The following CMTM4 variants were observed in gnomAD, a reference collection of about 807,000 sequenced individuals.
CMTM4 encodes CKLF-like MARVEL transmembrane domain-containing protein 4.
A neutral mutation model predicts 19.0 loss-of-function variants in CMTM4; 8 were observed. That is an observed-to-expected ratio of 0.42 (90% CI 0.25 to 0.76). The LOEUF (loss-of-function observed/expected upper bound fraction) is 0.76. Ranked by LOEUF, CMTM4 falls within the 30% of genes least tolerant of loss-of-function variation. The pLI is 0.27. For missense variants in CMTM4, 228 were observed against 290.2 expected, an observed-to-expected ratio of 0.79 and a Z score of 1.56; for synonymous variants, 106 against 121.1, an observed-to-expected ratio of 0.88 and a Z score of 0.82.
At position 66,622,335 on chromosome 16, in the gene CMTM4, A is replaced by C. The variant is rs2015655832; in HGVS notation, c.463-113T>G. On this transcript the variant is annotated intron_variant, in intron 3 of 3. Coordinates refer to ENST00000394106, the MANE Select transcript of CMTM4 (RefSeq NM_181521.3). This position sits in a 1 kb window ranked among gnomAD's most constrained non-coding sequence, Gnocchi z 4.0. The stretch of plus-strand genomic sequence containing the variant: ...TCCTGCTCTGCCAGCTGATCATTAC[A>C]ACCCTGTGCCTTCATTCCTTGATCT... The C allele has an allele frequency of 4.3e-6, 5 of 1,171,902 alleles. No individual in the cohort carries two copies. The highest frequency in any genetic ancestry group is 4.8e-6 in the Non-Finnish European group (4 of 831,040). 72.6% of individuals were successfully genotyped at this position (1,171,902 alleles called of 1,614,324 possible).
At chr16:66,683,202 T>TATATATATACGTATATATATATAC (rs1567432400) in intron 1 of CMTM4, among the ~76,000 whole-genome samples, 5 of 137,170 alleles carry the variant, frequency 3.6e-5, no homozygotes, top group South Asian at 2.3e-4. Context: ...TACATATATA[T>TATATATATACGTATATATATATAC]ATATATATAA....
Position 66,696,650 on chromosome 16 carries a change from CCGCCCGCCGCCGCCGCCTCT to C in CMTM4, c.-145_-126del, listed in dbSNP as rs1383224671. 1.1e-4 allele frequency: 44 copies of C among 398,884 alleles called. No homozygotes were observed. The highest frequency in any genetic ancestry group is 1.8e-4 in the African/African-American group (8 of 45,482). 24.7% of individuals were successfully genotyped at this position (398,884 alleles called of 1,614,324 possible). Reference sequence around the variant, plus strand: ...CGCCGCCCGACTGACTGCCCGCGGCCCGCCCGCCGCCGCCGCCTCTCGCCCGCCGCCCGGCTGCGGCTGCG... The same window carrying C: ...CGCCGCCCGACTGACTGCCCGCGGCCCGCCCGCCGCCCGGCTGCGGCTGCG... On this transcript the variant is annotated 5_prime_UTR_variant, in exon 1 of 4. Transcript: ENST00000394106. This position sits in a 1 kb window ranked among gnomAD's most constrained non-coding sequence, Gnocchi z 4.3.
At chr16:66,647,458 T>G (rs1414218341) in intron 1 of CMTM4, among the ~76,000 whole-genome samples, 1 of 152,114 alleles carries the variant, frequency 6.6e-6, no homozygotes, top group Admixed American at 6.5e-5. Context: ...AAACTTACCC[T>G]GTTTTTCCAT....
intron 1 of CMTM4, among the ~76,000 whole-genome samples, chr16:66,683,160 C>CATATATATATACAT (rs2016955611): frequency 2.6e-5 from 2 of 75,554 alleles, no homozygotes; most frequent in African/African-American, 1.0e-4. Flanking sequence ...TATATATATA[C>CATATATATATACAT]GTATATATAT....
chr16:66,607,939 G>A, the CMTM4 span, among the ~76,000 whole-genome samples: 2 of 151,846 alleles, frequency 1.3e-5, no homozygotes, highest in South Asian at 2.1e-4. Flanking sequence ...CGACCTCCCC[G>A]GGCTCAGGTG....
At chr16:66,673,663 A>C (rs1349075445) in intron 1 of CMTM4, among the ~76,000 whole-genome samples, 1 of 152,144 alleles carries the variant, frequency 6.6e-6, no homozygotes, top group Admixed American at 6.6e-5. Context: ...TGTGTTTCCC[A>C]CTGCAAACAA....
chr16:66,669,884 C>A (rs766938820), intron 1 of CMTM4, among the ~76,000 whole-genome samples: 1 of 152,010 alleles, frequency 6.6e-6, no homozygotes, highest in Non-Finnish European at 1.5e-5. Context: ...GAAAATGGTG[C>A]ACACTCCTTT....
intron 2 of CMTM4, among the ~76,000 whole-genome samples, chr16:66,633,381 C>T (rs893061310): frequency 3.9e-5 from 6 of 151,952 alleles, no homozygotes; most frequent in Non-Finnish European, 5.9e-5. Flanking sequence ...CAAAAATACT[C>T]CCAATACTCC....
rs575261488 is a variant in CMTM4, at chr16:66,685,695, G to C, written c.186+10645C>G. On this transcript the variant is annotated intron_variant, in intron 1 of 3. Transcript: ENST00000394106. ...GTCTCACTCTATTGCCCAGGCTGGA[G>C]TGCAGTGGTGCAATTTTGGCTCACT... Among the ~76,000 whole-genome samples the C allele has an allele frequency of 1.2e-4, 18 of 152,282 alleles. No homozygotes were observed. The South Asian group carries it at 3.5e-3, about 30-fold the overall frequency.
At chr16:66,669,531 A>G (rs2016664078) in intron 1 of CMTM4, among the ~76,000 whole-genome samples, 1 of 151,138 alleles carries the variant, frequency 6.6e-6, no homozygotes, top group African/African-American at 2.4e-5. Context: ...CCAAACCTCT[A>G]TAGCTCAAAC....
chr16:66,647,319 G>C (rs2016222867), intron 1 of CMTM4, among the ~76,000 whole-genome samples: 2 of 119,776 alleles, frequency 1.7e-5, no homozygotes, highest in Admixed American at 2.0e-4. Flanking sequence ...GCGAGACTCT[G>C]TCTCAAAAAA....
intron 1 of CMTM4, among the ~76,000 whole-genome samples, chr16:66,673,115 G>A (rs1384968180): frequency 7.8e-5 from 10 of 127,880 alleles, no homozygotes; most frequent in South Asian, 5.0e-4. Flanking sequence ...TAGTAGGGAC[G>A]GAGTTTCACA....
chr16:66,662,014 G>A (rs1596943037), intron 1 of CMTM4, among the ~76,000 whole-genome samples: 6 of 152,114 alleles, frequency 3.9e-5, no homozygotes, highest in South Asian at 4.2e-4. Context: ...CCATGCCACC[G>A]TGATTCATCT....
At chr16:66,629,366 C>T (rs2015805391) in intron 2 of CMTM4, among the ~76,000 whole-genome samples, 1 of 152,190 alleles carries the variant, frequency 6.6e-6, no homozygotes. Flanking sequence ...ATGACAGTAG[C>T]AGCTACCATC....
chr16:66,600,054 T>C, the CMTM4 span, among the ~76,000 whole-genome samples: 1 of 151,806 alleles, frequency 6.6e-6, no homozygotes, highest in African/African-American at 2.4e-5. Flanking sequence ...CTTTGGCCCA[T>C]TAAAAAAAAT....
intron 1 of CMTM4, among the ~76,000 whole-genome samples, chr16:66,687,460 G>A (rs1197746466): frequency 1.3e-5 from 2 of 151,970 alleles, no homozygotes; most frequent in African/African-American, 4.8e-5. Context: ...GAGCCCAGGA[G>A]TTTGTGGCCA....
At chr16:66,670,948 G>C (rs2016693398) in intron 1 of CMTM4, among the ~76,000 whole-genome samples, 1 of 152,020 alleles carries the variant, frequency 6.6e-6, no homozygotes, top group Admixed American at 6.6e-5. Context: ...ACTGTTAATG[G>C]GAGTCCTCTC....
At chr16:66,643,628 T>A (rs2016136615) in intron 1 of CMTM4, among the ~76,000 whole-genome samples, 1 of 152,216 alleles carries the variant, frequency 6.6e-6, no homozygotes, top group East Asian at 1.9e-4. Context: ...TATGCAACTA[T>A]AAATGCACTA....
At chr16:66,663,323 G>T (rs2016531893) in intron 1 of CMTM4, among the ~76,000 whole-genome samples, 1 of 152,118 alleles carries the variant, frequency 6.6e-6, no homozygotes, top group Admixed American at 6.5e-5. Context: ...GGAATTATCA[G>T]ATTGTAAAGC....
Sources: gnomAD v4.1 joint callset for allele counts (sites outside exome capture counted in the v4.1 genomes callset) on GRCh38, gnomAD v4.1.1 for gene constraint, Gnocchi (gnomAD v3.1) non-coding constraint, MANE v1.5 for transcripts, NCBI Gene and HGNC (gene_info 2026-07-23, HGNC 2026-07-21) for gene names.